ATXN10: variants seen among roughly 807,000 people sequenced by gnomAD.
ATXN10 encodes the protein ataxin-10.
Under a neutral mutation model 52.9 loss-of-function variants are expected in ATXN10, and 28 were observed. That is an observed-to-expected ratio of 0.53 (90% CI 0.39 to 0.73). The LOEUF (loss-of-function observed/expected upper bound fraction) is 0.73, where lower values mean the gene tolerates loss of function less well. Ranked by LOEUF, ATXN10 falls within the 30% of genes least tolerant of loss-of-function variation. The pLI is 0.00. For missense variants in ATXN10, 565 were observed against 577.0 expected (o/e 0.98, Z 0.21); for synonymous variants, 226 against 221.5 (o/e 1.02, Z -0.18).
chr22:45,718,532 T>A lies in ATXN10; in HGVS notation c.728+39T>A. 1 of 1,530,898 alleles carries A rather than the reference T, an allele frequency of 6.5e-7. No individual in the cohort carries two copies. Among genetic ancestry groups the A allele is most frequent in the Non-Finnish European group, 9.1e-7 (1 of 1,104,520 alleles). The allele number at this position is 1,530,898 out of a possible 1,614,324, so 94.8% of individuals were successfully genotyped here. A position where few individuals can be genotyped will look rare whatever the true frequency, so the allele number is the denominator to read the frequency against. ...CAGCGTGGTCTGGAGTATTTAGCATTCCATATAGGGTATTCGATGCACGTG... is the reference window on the plus strand; with the variant it reads ...CAGCGTGGTCTGGAGTATTTAGCATACCATATAGGGTATTCGATGCACGTG... On this transcript the variant is annotated intron_variant, in intron 6 of 11. Coordinates refer to ENST00000252934, the MANE Select transcript of ATXN10 (RefSeq NM_013236.4). The surrounding 1 kb of genome is among the most constrained non-coding windows in gnomAD (Gnocchi z 4.4).
rs935483198 is a variant in ATXN10, at chr22:45,715,790, A to G, written c.648-2623A>G. Among the ~76,000 whole-genome samples the G allele has an allele frequency of 3.3e-5, 5 of 152,220 alleles. No homozygotes were observed. The highest frequency in any genetic ancestry group is 7.2e-5 in the African/African-American group (3 of 41,454). ...GGTAGACCATAGGCTGGCCTGTACA[A>G]AAGTTTCAGTAAATGTGTAAGGGAT... is the stretch of plus-strand genomic sequence containing the variant. On this transcript the variant is annotated intron_variant, in intron 5 of 11. Transcript: ENST00000252934. This position sits in a 1 kb window ranked among gnomAD's most constrained non-coding sequence, Gnocchi z 4.4.
chr22:45,692,949 TATGA>T, intron 2 of ATXN10, 43 bp from the exon 3 acceptor site: 1 of 1,508,214 alleles, frequency 6.6e-7, no homozygotes. Flanking sequence ...ATAGACAATA[TATGA>T]ATGAATGAAC....
intron 9 of ATXN10, among the ~76,000 whole-genome samples, chr22:45,751,740 G>GGAAAAAAAAAAAAAAAAAAAAAAAAA: frequency 2.2e-5 from 1 of 45,476 alleles, no homozygotes; most frequent in Middle Eastern, 0.011. Flanking sequence ...CCTTTTTCTG[G>GGAAAAAAAAAAAAAAAAAAAAAAAAA]AAAAAAAAAA....
intron 5 of ATXN10, among the ~76,000 whole-genome samples, chr22:45,717,652 CTG>C (rs1288127790): frequency 6.6e-6 from 1 of 152,124 alleles, no homozygotes; most frequent in East Asian, 1.9e-4. Context: ...GGTTATCAGA[CTG>C]AATATAGTTT....
At position 45,806,537 on chromosome 22, in the gene ATXN10, C is replaced by T. The variant is rs117044285; in HGVS notation, c.1174-422C>T. Among the ~76,000 whole-genome samples the T allele has an allele frequency of 6.4e-3, 970 of 152,272 alleles. 7 individuals carry two copies. Among genetic ancestry groups the T allele is most frequent in the South Asian group, 0.015 (70 of 4,818 alleles). ...CAAATAGTCAAATTTTAAAACCTTT[C>T]CCCTGTTGCTTCCGGATTGAATCAT... On this transcript the variant is annotated intron_variant, in intron 9 of 11. Transcript: ENST00000252934.
intron 10 of ATXN10, among the ~76,000 whole-genome samples, chr22:45,817,660 C>G (rs1227542502): frequency 6.6e-6 from 1 of 152,036 alleles, no homozygotes; most frequent in East Asian, 1.9e-4. Context: ...TAGTAATTCT[C>G]CCACCCTCAG....
chr22:45,747,793 G>C (rs1052973641), intron 9 of ATXN10, among the ~76,000 whole-genome samples: 3 of 152,058 alleles, frequency 2.0e-5, no homozygotes, highest in African/African-American at 4.8e-5. Context: ...AGGATTAAAT[G>C]TGATCATGTA....
At chr22:45,792,353 A>T (rs1178894769) in intron 9 of ATXN10, 1 of 152,304 alleles carries the variant, frequency 6.6e-6, no homozygotes, top group Non-Finnish European at 1.5e-5. Flanking sequence ...ACTAAGAGGG[A>T]GGACAGTAAA....
intron 7 of ATXN10, among the ~76,000 whole-genome samples, chr22:45,734,022 C>T (rs1925191041): frequency 1.3e-5 from 2 of 151,998 alleles, no homozygotes; most frequent in Admixed American, 6.6e-5. Context: ...TATATAGACT[C>T]ATCATAATTT....
chr22:45,674,127 G>A (rs1922587823), intron 1 of ATXN10: 1 of 152,244 alleles, frequency 6.6e-6, no homozygotes, highest in Admixed American at 6.5e-5. Context: ...AGAGACAGGG[G>A]GGACCTTTAA....
chr22:45,700,350 T>C lies in ATXN10; in HGVS notation c.460T>C (p.Trp154Arg). The C allele has an allele frequency of 1.9e-6, 3 of 1,614,138 alleles. No individual in the cohort carries two copies. Among genetic ancestry groups the C allele is most frequent in the Middle Eastern group, 1.6e-4 (1 of 6,062 alleles). Residue 154 changes from tryptophan to arginine, a missense_variant, in exon 4 of 12, where the codon TGG becomes CGG. Physicochemically the swap from Trp to Arg is moderately radical, Grantham distance 101. Transcript: ENST00000252934. ...SRNEDSQSIVWVHAFPELFLS... is the reference protein window; with the variant it reads ...SRNEDSQSIVRVHAFPELFLS... The stretch of plus-strand genomic sequence containing the variant: ...GAATGAAGATTCCCAGTCTATTGTT[T>C]GGGTGCATGCTTTCCCAGAACTGTT...
Position 45,823,914 on chromosome 22 carries a change from C to T in ATXN10, c.1237+16892C>T, listed in dbSNP as rs1398753626. ...TCAGGTCACCTGGGAGACTCTGTGCCCTCAGCATCTTGTGACGTGCCCTTG... is the reference window on the plus strand; with the variant it reads ...TCAGGTCACCTGGGAGACTCTGTGCTCTCAGCATCTTGTGACGTGCCCTTG... On this transcript the variant is annotated intron_variant, in intron 10 of 11. Coordinates refer to ENST00000252934, the MANE Select transcript of ATXN10 (RefSeq NM_013236.4). The surrounding 1 kb of genome is among the most constrained non-coding windows in gnomAD (Gnocchi z 4.9). 1.3e-5 allele frequency among the ~76,000 whole-genome samples: 2 copies of T among 152,166 alleles called. No homozygotes were observed. The highest frequency in any genetic ancestry group is 2.4e-5 in the African/African-American group (1 of 41,430).
rs1257349031 is a variant in ATXN10, at chr22:45,775,838, T to A, written c.1174-31121T>A. Among the ~76,000 whole-genome samples the A allele has an allele frequency of 3.3e-5, 5 of 151,854 alleles. No individual in the cohort carries two copies. The stretch of plus-strand genomic sequence containing the variant: ...ATTCTACAGCCTCTAACCTGATAGA[T>A]CATTCCGCCCCTCACAGCCAGCCGG... On this transcript the variant is annotated intron_variant, in intron 9 of 11. Transcript: ENST00000252934. This position sits in a 1 kb window ranked among gnomAD's most constrained non-coding sequence, Gnocchi z 4.7.
Position 45,689,774 on chromosome 22 carries a change from C to G in ATXN10, c.179C>G (p.Ala60Gly). Reference protein sequence around the residue: ...VLDILKKSSHAVELACRDPSQ... With the variant: ...VLDILKKSSHGVELACRDPSQ... ...GATATCCTAAAGAAATCTTCTCATG[C>G]TGTTGAGCTTGCCTGCAGAGATCCA... is the stretch of plus-strand genomic sequence containing the variant. Residue 60 changes from alanine to glycine, a missense_variant, in exon 2 of 12, where the codon GCT (alanine) becomes GGT (glycine). Physicochemically the swap from Ala to Gly is moderately conservative, Grantham distance 60. Transcript: ENST00000252934. The G allele has an allele frequency of 6.2e-7, 1 of 1,614,168 alleles. No homozygotes were observed.
Position 45,770,384 on chromosome 22 carries a change from A to T in ATXN10, c.1173+29846A>T, listed in dbSNP as rs1926733755. Among the ~76,000 whole-genome samples the T allele has an allele frequency of 6.6e-6, 1 of 152,198 alleles. No individual in the cohort carries two copies. Among genetic ancestry groups the T allele is most frequent in the Non-Finnish European group, 1.5e-5 (1 of 68,042 alleles). On this transcript the variant is annotated intron_variant, in intron 9 of 11. Coordinates refer to ENST00000252934, the MANE Select transcript of ATXN10 (RefSeq NM_013236.4). This position sits in a 1 kb window ranked among gnomAD's most constrained non-coding sequence, Gnocchi z 4.5. The stretch of plus-strand genomic sequence containing the variant: ...GTACTGTCGCTGGTTGGGACAGGTG[A>T]TGTGAAAAAGAGGGGGGTATGTGAT...
chr22:45,702,665 C>T (rs370449524), intron 4 of ATXN10, 24 bp from the exon 5 acceptor site: 157 of 1,613,090 alleles, frequency 9.7e-5, no homozygotes, highest in Non-Finnish European at 1.2e-4. Context: ...ATTGGGCTAA[C>T]AATCTCATTT....
intron 10 of ATXN10, among the ~76,000 whole-genome samples, chr22:45,821,348 A>T (rs979898287): frequency 9.3e-5 from 10 of 107,422 alleles, no homozygotes; most frequent in Admixed American, 1.8e-4. Context: ...CCGTCTCTTT[A>T]AAAAAAAAAA....
At chr22:45,767,063 T>C (rs573879063) in intron 9 of ATXN10, among the ~76,000 whole-genome samples, 3 of 152,334 alleles carry the variant, frequency 2.0e-5, no homozygotes, top group East Asian at 3.9e-4. Context: ...AGGAATTTGG[T>C]AGTTCTGGTA....
intron 9 of ATXN10, among the ~76,000 whole-genome samples, chr22:45,806,738 C>G (rs1025454773): frequency 3.3e-5 from 5 of 151,964 alleles, no homozygotes; most frequent in African/African-American, 1.2e-4. Flanking sequence ...TACCTACTTG[C>G]CCCAATATTT....
Sources: allele counts gnomAD v4.1 joint callset (sites outside exome capture counted in the v4.1 genomes callset), GRCh38; gene constraint gnomAD v4.1.1; non-coding constraint Gnocchi (gnomAD v3.1); transcripts MANE v1.5; gene names NCBI Gene and HGNC (gene_info 2026-07-23, HGNC 2026-07-21).